Variants in LMTK2 observed in about 807,000 individuals in gnomAD.
LMTK2 encodes lemur tail kinase 2.
In LMTK2, 37 loss-of-function variants were observed where a neutral mutation model predicts 127.5. That is an observed-to-expected ratio of 0.29 (90% confidence interval 0.22 to 0.38). LMTK2 has a LOEUF of 0.38. Ranked by LOEUF, LMTK2 falls within the 10% of genes least tolerant of loss-of-function variation. The pLI is 1.00. For missense variants in LMTK2, 1,694 were observed against 1,920.3 expected, an observed-to-expected ratio of 0.88 and a Z score of 2.20; for synonymous variants, 819 against 810.1, an observed-to-expected ratio of 1.01 and a Z score of -0.19.
chr7:98,192,191 A>T lies in LMTK2; in HGVS notation c.1726A>T (p.Met576Leu). The change falls in exon 11 of 14, where the codon ATG (methionine) becomes TTG (leucine). Residue 576 changes from methionine to leucine, a missense_variant. Physicochemically the swap from Met to Leu is conservative, Grantham distance 15. This residue lies in a region of LMTK2 where 527 missense variants were observed against 539.8 expected (regional missense o/e 0.98). Coordinates refer to ENST00000297293, the MANE Select transcript of LMTK2 (RefSeq NM_014916.4). Reference protein sequence around the residue: ...DYPPALLTTDMDNPERTGPEL... With the variant: ...DYPPALLTTDLDNPERTGPEL... ...CCCACCAGCGCTGCTCACAACCGAC[A>T]TGGATAATCCAGAAAGGACTGGCCC... The T allele has an allele frequency of 1.3e-6, 2 of 1,524,298 alleles. No individual in the cohort carries two copies. The highest frequency in any genetic ancestry group is 1.8e-6 in the Non-Finnish European group (2 of 1,139,288). The allele number at this position is 1,524,298 out of a possible 1,614,324, so 94.4% of individuals were successfully genotyped here.
At chr7:98,119,472 C>T (rs944381567) in intron 1 of LMTK2, among the ~76,000 whole-genome samples, 7 of 152,286 alleles carry the variant, frequency 4.6e-5, no homozygotes, top group South Asian at 2.1e-4. Flanking sequence ...TCAAGCACTC[C>T]GGGGCAGAAC....
intron 1 of LMTK2, among the ~76,000 whole-genome samples, chr7:98,118,034 T>C (rs1322477451): frequency 6.6e-6 from 1 of 152,186 alleles, no homozygotes; most frequent in East Asian, 1.9e-4. Flanking sequence ...TGGGCATTTT[T>C]AATAGATTTT....
chr7:98,169,854 C>T (rs1332722666), intron 6 of LMTK2, among the ~76,000 whole-genome samples: 2 of 151,866 alleles, frequency 1.3e-5, no homozygotes, highest in Non-Finnish European at 2.9e-5. Context: ...CTTCTAATTT[C>T]GTTGGAAACA....
chr7:98,192,356 C>G lies in LMTK2; in HGVS notation c.1891C>G (p.Pro631Ala). 3 of 1,592,066 alleles carry G rather than the reference C, an allele frequency of 1.9e-6. No individual in the cohort carries two copies. The highest frequency in any genetic ancestry group is 2.6e-6 in the Non-Finnish European group (3 of 1,172,646). The change falls in exon 11 of 14, where the codon CCT (proline) becomes GCT (alanine). Residue 631 changes from proline (P) to alanine (A), a missense_variant. Pro to Ala is a conservative substitution (Grantham distance 27, BLOSUM62 -1). Around this residue, in one of 8 missense-constraint regions of LMTK2, gnomAD observed 527 missense variants for 539.8 expected, o/e 0.98. Transcript: ENST00000297293. ...DLHVTSGPES[P>A]FNNIFNDVDK... ...ACACGTGACCAGTGGCCCCGAGAGCCCTTTCAACAATATATTTAATGATGT... is the reference window on the plus strand; with the variant it reads ...ACACGTGACCAGTGGCCCCGAGAGCGCTTTCAACAATATATTTAATGATGT...
intron 7 of LMTK2, among the ~76,000 whole-genome samples, chr7:98,180,828 C>T (rs1333495125): frequency 6.6e-6 from 1 of 152,076 alleles, no homozygotes; most frequent in African/African-American, 2.4e-5. Flanking sequence ...ACCAATTTTG[C>T]TAATAGCATT....
At chr7:98,150,882 A>T (rs761427548) in intron 3 of LMTK2, among the ~76,000 whole-genome samples, 4 of 152,206 alleles carry the variant, frequency 2.6e-5, no homozygotes, top group Non-Finnish European at 5.9e-5. Context: ...GTATCAGAAG[A>T]CTTGGGGGTA....
intron 3 of LMTK2, among the ~76,000 whole-genome samples, chr7:98,148,505 A>AAC: frequency 7.1e-6 from 1 of 141,036 alleles, no homozygotes; most frequent in South Asian, 2.2e-4. Flanking sequence ...AAAAAAAAAA[A>AAC]AATAATAATA....
intron 6 of LMTK2, among the ~76,000 whole-genome samples, chr7:98,165,099 C>T (rs1406138343): frequency 1.3e-5 from 2 of 152,188 alleles, no homozygotes; most frequent in African/African-American, 4.8e-5. Context: ...TTGGGCTCTT[C>T]TGTTTCTCAT....
At chr7:98,156,251 G>T (rs1796923356) in intron 5 of LMTK2, among the ~76,000 whole-genome samples, 1 of 152,156 alleles carries the variant, frequency 6.6e-6, no homozygotes, top group Non-Finnish European at 1.5e-5. Flanking sequence ...GGATCACAAG[G>T]TCAGGAGATT....
Position 98,194,626 on chromosome 7 carries a change from A to C in LMTK2, c.4107+54A>C. On this transcript the variant is annotated intron_variant, in intron 11 of 13. Transcript: ENST00000297293. The surrounding 1 kb of genome is among the most constrained non-coding windows in gnomAD (Gnocchi z 5.4). Reference sequence around the variant, plus strand: ...TACACATCCATATAAGGATTCCAAAATGTGCTAGGAAATTGAGTGTGGTCT... The same window carrying C: ...TACACATCCATATAAGGATTCCAAACTGTGCTAGGAAATTGAGTGTGGTCT... The C allele has an allele frequency of 2.1e-6, 3 of 1,442,032 alleles. No homozygotes were observed. Among genetic ancestry groups the C allele is most frequent in the Non-Finnish European group, 2.8e-6 (3 of 1,075,162 alleles). 89.3% of individuals were successfully genotyped at this position (1,442,032 alleles called of 1,614,324 possible). A position where few individuals can be genotyped will look rare whatever the true frequency, so the allele number is the denominator to read the frequency against.
chr7:98,169,923 G>A (rs1019564216), intron 6 of LMTK2, among the ~76,000 whole-genome samples: 2 of 152,318 alleles, frequency 1.3e-5, no homozygotes, highest in South Asian at 4.1e-4. Context: ...CCAGGTGCAC[G>A]GCACCGAGGG....
chr7:98,120,077 A>T (rs924233001), intron 1 of LMTK2, among the ~76,000 whole-genome samples: 3 of 152,248 alleles, frequency 2.0e-5, no homozygotes, highest in African/African-American at 4.8e-5. Context: ...CTGCTACATT[A>T]TAATGATTGT....
intron 7 of LMTK2, among the ~76,000 whole-genome samples, chr7:98,178,028 A>G (rs1208752750): frequency 6.6e-6 from 1 of 152,176 alleles, no homozygotes; most frequent in Non-Finnish European, 1.5e-5. Context: ...TGAAGTTTTC[A>G]TTCACCTCTC....
intron 4 of LMTK2, among the ~76,000 whole-genome samples, chr7:98,152,250 A>G (rs768463593): frequency 6.6e-6 from 1 of 152,152 alleles, no homozygotes; most frequent in Non-Finnish European, 1.5e-5. Flanking sequence ...TAGATGGCTC[A>G]GAAGGAGTAA....
chr7:98,156,357 T>C (rs10243469), intron 5 of LMTK2, among the ~76,000 whole-genome samples: 56,716 of 151,630 alleles, frequency 0.37, 13,029 homozygotes, highest in East Asian at 0.65. Context: ...CCCAGCTACT[T>C]GGGAGGCTGA....
intron 7 of LMTK2, among the ~76,000 whole-genome samples, chr7:98,178,141 T>A (rs910280551): frequency 6.6e-6 from 1 of 152,184 alleles, no homozygotes; most frequent in Admixed American, 6.5e-5. Flanking sequence ...GTTGTCAAGA[T>A]GGAGATAAAG....
intron 11 of LMTK2, among the ~76,000 whole-genome samples, chr7:98,195,773 G>A (rs1584297172): frequency 6.6e-6 from 1 of 152,198 alleles, no homozygotes; most frequent in Non-Finnish European, 1.5e-5. Context: ...TCTGTTGAAC[G>A]TCACTTTATG....
intron 1 of LMTK2, among the ~76,000 whole-genome samples, chr7:98,124,907 A>G (rs538971214): frequency 6.6e-6 from 1 of 152,354 alleles, no homozygotes; most frequent in East Asian, 1.9e-4. Flanking sequence ...GTAAATATTG[A>G]CTATTTTTAT....
chr7:98,203,012 G>A (rs1797726111), intron 11 of LMTK2, among the ~76,000 whole-genome samples: 2 of 152,240 alleles, frequency 1.3e-5, no homozygotes, highest in Admixed American at 1.3e-4. Flanking sequence ...CGTGATCACA[G>A]TCCTCCAGTG....
Sources: allele counts gnomAD v4.1 joint callset (sites outside exome capture counted in the v4.1 genomes callset), GRCh38; gene constraint gnomAD v4.1.1; regional missense constraint gnomAD v4.1.1; non-coding constraint Gnocchi (gnomAD v3.1); transcripts MANE v1.5; gene names NCBI Gene and HGNC (gene_info 2026-07-23, HGNC 2026-07-21).